Variants in ST6GALNAC5 observed in about 807,000 individuals in gnomAD.
ST6GALNAC5 encodes alpha-N-acetylgalactosaminide alpha-2,6-sialyltransferase 5.
In ST6GALNAC5, 27 loss-of-function variants were observed where a neutral mutation model predicts 33.6. The ratio of observed to expected loss-of-function variants is 0.80; its 90% CI spans 0.59 to 1.11. The LOEUF is 1.11. ST6GALNAC5 is among the 50% of genes least tolerant of loss of function. The probability of loss-of-function intolerance (pLI) is 0.00; values close to 1 mark genes in which losing one functional copy is unlikely to be tolerated. For synonymous variants in ST6GALNAC5, 194 were observed against 171.2 expected (o/e 1.13, Z -1.04); for missense variants, 428 against 454.0 (o/e 0.94, Z 0.52).
intron 2 of ST6GALNAC5, among the ~76,000 whole-genome samples, chr1:76,954,642 A>G (rs1206515512): frequency 1.3e-5 from 2 of 152,184 alleles, no homozygotes; most frequent in Admixed American, 1.3e-4. Flanking sequence ...CATTTTGTAG[A>G]AAATTAAAAC....
At chr1:76,877,595 G>A (rs1653676023) in intron 2 of ST6GALNAC5, among the ~76,000 whole-genome samples, 1 of 152,188 alleles carries the variant, frequency 6.6e-6, no homozygotes, top group Non-Finnish European at 1.5e-5. Context: ...ATTTTACTGA[G>A]GTAGAAGTTC....
At chr1:76,956,935 G>C (rs1403923580) in intron 2 of ST6GALNAC5, among the ~76,000 whole-genome samples, 1 of 152,104 alleles carries the variant, frequency 6.6e-6, no homozygotes, top group Non-Finnish European at 1.5e-5. Context: ...AACCTCTATT[G>C]ATTGGTGTAT....
intron 2 of ST6GALNAC5, among the ~76,000 whole-genome samples, chr1:76,896,926 C>A (rs1368137644): frequency 6.6e-6 from 1 of 152,072 alleles, no homozygotes; most frequent in Non-Finnish European, 1.5e-5. Context: ...CTACAGGGTG[C>A]AGTCCTGGCT....
intron 4 of ST6GALNAC5, among the ~76,000 whole-genome samples, chr1:77,061,778 C>T (rs1409109538): frequency 2.0e-5 from 3 of 152,176 alleles, no homozygotes; most frequent in African/African-American, 7.2e-5. Context: ...CAAACAAGGG[C>T]ACCTACCACC....
At chr1:76,873,642 T>C (rs1031726512) in intron 2 of ST6GALNAC5, among the ~76,000 whole-genome samples, 4 of 152,242 alleles carry the variant, frequency 2.6e-5, no homozygotes, top group South Asian at 4.1e-4. Context: ...CCCACAAAAG[T>C]AATTCTAATA....
intron 2 of ST6GALNAC5, among the ~76,000 whole-genome samples, chr1:77,026,440 G>C (rs918742885): frequency 6.6e-6 from 1 of 152,182 alleles, no homozygotes; most frequent in Admixed American, 6.5e-5. Context: ...GTGTGGAGCT[G>C]GGACTGATTC....
chr1:77,005,505 G>A (rs894591533), intron 2 of ST6GALNAC5, among the ~76,000 whole-genome samples: 1 of 152,180 alleles, frequency 6.6e-6, no homozygotes. Context: ...CAGCCATCTT[G>A]GCTCCTCCTC....
intron 3 of ST6GALNAC5, among the ~76,000 whole-genome samples, chr1:77,048,766 C>A (rs536966321): frequency 4.6e-5 from 7 of 152,204 alleles, no homozygotes; most frequent in Non-Finnish European, 1.0e-4. Context: ...GAGATGTCAA[C>A]GTACCAACAT....
At chr1:77,017,637 A>G (rs1303569972) in intron 2 of ST6GALNAC5, among the ~76,000 whole-genome samples, 3 of 152,236 alleles carry the variant, frequency 2.0e-5, no homozygotes, top group African/African-American at 7.2e-5. Context: ...GAAATGTTGC[A>G]GTGCTGTTGA....
intron 3 of ST6GALNAC5, among the ~76,000 whole-genome samples, chr1:77,046,111 G>A (rs1298116742): frequency 1.3e-5 from 2 of 152,104 alleles, no homozygotes; most frequent in Non-Finnish European, 2.9e-5. Flanking sequence ...TGAGTCAATT[G>A]CTTATCTTTA....
chr1:76,959,283 T>C (rs1648135628), intron 2 of ST6GALNAC5, among the ~76,000 whole-genome samples: 1 of 152,230 alleles, frequency 6.6e-6, no homozygotes, highest in Admixed American at 6.5e-5. Context: ...GCTGCTTTGA[T>C]GTTTTGATGT....
At chr1:76,986,483 A>G (rs1649500868) in intron 2 of ST6GALNAC5, among the ~76,000 whole-genome samples, 1 of 152,264 alleles carries the variant, frequency 6.6e-6, no homozygotes, top group African/African-American at 2.4e-5. Flanking sequence ...CACCCCAGTT[A>G]GAATGGCAAT....
intron 2 of ST6GALNAC5, among the ~76,000 whole-genome samples, chr1:76,970,914 T>C (rs1648730305): frequency 6.6e-6 from 1 of 152,218 alleles, no homozygotes; most frequent in African/African-American, 2.4e-5. Flanking sequence ...GATGATGTGA[T>C]TTACAGATAA....
chr1:76,870,301 G>A (rs1453584436), intron 2 of ST6GALNAC5, among the ~76,000 whole-genome samples: 1 of 152,172 alleles, frequency 6.6e-6, no homozygotes, highest in Non-Finnish European at 1.5e-5. Flanking sequence ...TGTAACTGGT[G>A]TATGATGGAT....
intron 2 of ST6GALNAC5, among the ~76,000 whole-genome samples, chr1:76,933,162 T>G (rs1280179667): frequency 6.6e-6 from 1 of 152,112 alleles, no homozygotes; most frequent in Non-Finnish European, 1.5e-5. Flanking sequence ...ATTTTGTGTC[T>G]AGGGAAATGG....
At chr1:76,960,389 A>C (rs1036539385) in intron 2 of ST6GALNAC5, among the ~76,000 whole-genome samples, 3 of 152,158 alleles carry the variant, frequency 2.0e-5, no homozygotes, top group African/African-American at 7.2e-5. Flanking sequence ...AGGTAATAGA[A>C]TATCACAAGG....
intron 2 of ST6GALNAC5, among the ~76,000 whole-genome samples, chr1:76,921,567 G>A (rs1454745214): frequency 6.6e-6 from 1 of 152,126 alleles, no homozygotes; most frequent in Admixed American, 6.6e-5. Context: ...ATGGGATACT[G>A]TGAGCAGCTT....
At chr1:76,872,068 AACAC>A (rs66721550) in intron 2 of ST6GALNAC5, among the ~76,000 whole-genome samples, 15,662 of 129,992 alleles carry the variant, frequency 0.12, 985 homozygotes, top group East Asian at 0.34. Context: ...TAACCAAGCT[AACAC>A]ACACACACAC....
In ST6GALNAC5 at chr1:76,868,764, C is replaced by A; in HGVS notation, c.261+22C>A. On this transcript the variant is annotated intron_variant, in intron 2 of 4. Coordinates refer to ENST00000477717, the MANE Select transcript of ST6GALNAC5 (RefSeq NM_030965.3). The surrounding 1 kb of genome is among the most constrained non-coding windows in gnomAD (Gnocchi z 4.3). ...CAAGGTGACAGCATGCCCGCCAGCC[C>A]GCTCGCCACTCAGCCTGGGGATCCC... The A allele has an allele frequency of 6.8e-7, 1 of 1,471,412 alleles. No homozygotes were observed. Among genetic ancestry groups the A allele is most frequent in the Non-Finnish European group, 9.0e-7 (1 of 1,116,306 alleles). The allele number at this position is 1,471,412 out of a possible 1,614,324, so 91.1% of individuals were successfully genotyped here. A position where few individuals can be genotyped will look rare whatever the true frequency, so the allele number is the denominator to read the frequency against.
Sources: allele counts gnomAD v4.1 joint callset (sites outside exome capture counted in the v4.1 genomes callset), GRCh38; gene constraint gnomAD v4.1.1; non-coding constraint Gnocchi (gnomAD v3.1); transcripts MANE v1.5; gene names NCBI Gene and HGNC (gene_info 2026-07-23, HGNC 2026-07-21).